STK32B: variants seen among roughly 807,000 people sequenced by gnomAD.
STK32B encodes serine/threonine-protein kinase 32B.
Under a neutral mutation model 52.6 loss-of-function variants are expected in STK32B, and 43 were observed. The ratio of observed to expected loss-of-function variants is 0.82; its 90% CI spans 0.64 to 1.05. The LOEUF is 1.05. Ranked by LOEUF, STK32B falls within the 50% of genes least tolerant of loss-of-function variation. The pLI is 0.00. For synonymous variants in STK32B, 238 were observed against 204.3 expected, an observed-to-expected ratio of 1.17 and a Z score of -1.41; for missense variants, 621 against 534.6, an observed-to-expected ratio of 1.16 and a Z score of -1.59.
At chr4:5,417,035 C>G in intron 6 of STK32B, 101 bp downstream of exon 6, 1 of 1,050,866 alleles carries the variant, frequency 9.5e-7, no homozygotes, top group Non-Finnish European at 1.4e-6. Flanking sequence ...GCCACATACC[C>G]TCCCATGCTC....
intron 1 of STK32B, among the ~76,000 whole-genome samples, chr4:5,133,295 C>A (rs929807476): frequency 6.6e-6 from 1 of 152,150 alleles, no homozygotes; most frequent in Non-Finnish European, 1.5e-5. Flanking sequence ...TTATTCTCCC[C>A]AAAATATTTT....
chr4:5,428,384 G>A (rs1217383744), intron 6 of STK32B, among the ~76,000 whole-genome samples: 1 of 151,768 alleles, frequency 6.6e-6, no homozygotes, highest in East Asian at 1.9e-4. Context: ...CTCTAGCCTG[G>A]GCAACAAAGT....
intron 4 of STK32B, among the ~76,000 whole-genome samples, chr4:5,369,910 C>T (rs1014223490): frequency 6.6e-6 from 1 of 151,516 alleles, no homozygotes; most frequent in Non-Finnish European, 1.5e-5. Context: ...GCGTCTTGCT[C>T]TGTCGCCCAG....
At chr4:5,248,080 G>A (rs375473211) in intron 3 of STK32B, among the ~76,000 whole-genome samples, 2 of 152,172 alleles carry the variant, frequency 1.3e-5, no homozygotes, top group Non-Finnish European at 2.9e-5. Context: ...TGCAGCATTT[G>A]TACAGTAACA....
intron 3 of STK32B, among the ~76,000 whole-genome samples, chr4:5,312,749 G>A (rs1212399978): frequency 2.0e-5 from 3 of 151,792 alleles, no homozygotes; most frequent in East Asian, 1.9e-4. Flanking sequence ...ATAAACATAC[G>A]TGTGCATGTG....
chr4:5,056,677 G>T (rs930928501), intron 1 of STK32B, among the ~76,000 whole-genome samples: 2 of 152,144 alleles, frequency 1.3e-5, no homozygotes, highest in African/African-American at 4.8e-5. Context: ...AATGTCCCAC[G>T]GTTACTTTGA....
upstream of STK32B, among the ~76,000 whole-genome samples, chr4:5,048,117 TTC>T (rs1389241763): frequency 6.6e-6 from 1 of 151,596 alleles, no homozygotes; most frequent in Non-Finnish European, 1.5e-5. Context: ...GGGAATAATT[TTC>T]TGTTTTTTTT....
At chr4:5,079,416 T>G (rs10470719) in intron 1 of STK32B, among the ~76,000 whole-genome samples, 136,806 of 152,164 alleles carry the variant, frequency 0.9, 63,272 homozygotes, top group East Asian at 1. Context: ...TTATGCCAGT[T>G]CTTGGCTCAC....
At chr4:5,444,186 G>T (rs1367185719) in intron 6 of STK32B, among the ~76,000 whole-genome samples, 6 of 152,150 alleles carry the variant, frequency 3.9e-5, no homozygotes, top group Admixed American at 6.5e-5. Flanking sequence ...AATGGCGGGC[G>T]CCCCTCCCCC....
intron 3 of STK32B, among the ~76,000 whole-genome samples, chr4:5,260,971 A>G (rs1726673262): frequency 6.6e-6 from 1 of 152,150 alleles, no homozygotes. Flanking sequence ...TGAGAGGGCC[A>G]GGCCTTTATG....
At chr4:5,230,229 G>A (rs187234493) in intron 3 of STK32B, among the ~76,000 whole-genome samples, 36 of 108,738 alleles carry the variant, frequency 3.3e-4, no homozygotes, top group East Asian at 1.6e-3. Flanking sequence ...TTGCACCGTC[G>A]CCCAGGTTGG....
chr4:5,410,582 G>A (rs1414592142), intron 5 of STK32B, among the ~76,000 whole-genome samples: 1 of 152,130 alleles, frequency 6.6e-6, no homozygotes, highest in Admixed American at 6.5e-5. Context: ...TCTTCTCCCA[G>A]GCTGTGGTCT....
At chr4:5,430,409 A>G (rs1713475888) in intron 6 of STK32B, among the ~76,000 whole-genome samples, 1 of 152,084 alleles carries the variant, frequency 6.6e-6, no homozygotes, top group Non-Finnish European at 1.5e-5. Flanking sequence ...TGTTTTTAGC[A>G]TTTCCATCTG....
chr4:5,092,385 A>G (rs1190389845), intron 1 of STK32B, among the ~76,000 whole-genome samples: 3 of 152,138 alleles, frequency 2.0e-5, no homozygotes, highest in Admixed American at 1.3e-4. Flanking sequence ...TACAAGAACT[A>G]GCCCAGCGTT....
intron 6 of STK32B, among the ~76,000 whole-genome samples, chr4:5,430,705 T>C (rs1321592244): frequency 6.6e-6 from 1 of 152,238 alleles, no homozygotes; most frequent in Non-Finnish European, 1.5e-5. Context: ...TAGTTTTCTT[T>C]GGAGGAGGAG....
rs184064628 is a variant in STK32B at position 5,121,994 on chromosome 4, C to A, written c.53-17911C>A. On this transcript the variant is annotated intron_variant, in intron 1 of 11. Coordinates refer to ENST00000282908, the MANE Select transcript of STK32B (RefSeq NM_018401.3). ...AGGGATCAACCTCCATAGAACCATG[C>A]AAGAGTGATTGTGTGTTCACAGTGT... 1.5e-3 allele frequency among the ~76,000 whole-genome samples: 222 copies of A among 152,368 alleles called. 2 individuals carry two copies. The highest frequency in any genetic ancestry group is 4.9e-3 in the African/African-American group (202 of 41,586).
intron 11 of STK32B, among the ~76,000 whole-genome samples, chr4:5,488,294 T>C (rs545560711): frequency 6.6e-6 from 1 of 152,238 alleles, no homozygotes; most frequent in African/African-American, 2.4e-5. Context: ...TGAGACTCCG[T>C]CTGAAAAAGA....
intron 4 of STK32B, among the ~76,000 whole-genome samples, chr4:5,341,848 A>T (rs1284036735): frequency 2.6e-5 from 4 of 152,002 alleles, no homozygotes; most frequent in African/African-American, 9.7e-5. Flanking sequence ...GGTGCTATAC[A>T]CTTTTTTTTA....
intron 3 of STK32B, among the ~76,000 whole-genome samples, chr4:5,276,143 G>T (rs181811947): frequency 1.3e-5 from 2 of 152,154 alleles, no homozygotes; most frequent in Admixed American, 1.3e-4. Flanking sequence ...ACAAAAATTA[G>T]TCAGGCGTGG....
Sources: allele counts gnomAD v4.1 joint callset (sites outside exome capture counted in the v4.1 genomes callset), GRCh38; gene constraint gnomAD v4.1.1; transcripts MANE v1.5; gene names NCBI Gene and HGNC (gene_info 2026-07-23, HGNC 2026-07-21).